Variants in MORN1 observed in about 807,000 individuals in gnomAD.
The protein encoded by MORN1 is MORN repeat containing 1.
In MORN1, 67 loss-of-function variants were observed where a neutral mutation model predicts 61.9. The ratio of observed to expected loss-of-function variants is 1.08; its 90% CI spans 0.89 to 1.33. MORN1 has a LOEUF of 1.33. MORN1 is among the 40% of genes most tolerant of loss of function. The pLI is 0.00. For missense variants in MORN1, 752 were observed against 691.2 expected, an observed-to-expected ratio of 1.09 and a Z score of -0.99; for synonymous variants, 301 against 292.0, an observed-to-expected ratio of 1.03 and a Z score of -0.31.
chr1:2,354,776 G>GT (rs1247836656), intron 10 of MORN1, among the ~76,000 whole-genome samples: 2 of 152,320 alleles, frequency 1.3e-5, no homozygotes, highest in East Asian at 3.9e-4. Flanking sequence ...GCACAGAGAG[G>GT]TTTAGCTTCA....
intron 10 of MORN1, among the ~76,000 whole-genome samples, chr1:2,350,078 C>G (rs1641612554): frequency 6.6e-6 from 1 of 152,166 alleles, no homozygotes; most frequent in Admixed American, 6.5e-5. Context: ...AGGCAGGCAC[C>G]CCACTGACAA....
At chr1:2,327,817 T>G (rs1446547099) in intron 12 of MORN1, among the ~76,000 whole-genome samples, 1 of 152,244 alleles carries the variant, frequency 6.6e-6, no homozygotes, top group Admixed American at 6.5e-5. Flanking sequence ...AATGGCCCAT[T>G]GGCCGAATTG....
chr1:2,380,309 A>C (rs901933917), intron 6 of MORN1, among the ~76,000 whole-genome samples: 2 of 152,128 alleles, frequency 1.3e-5, no homozygotes, highest in Non-Finnish European at 2.9e-5. Flanking sequence ...GGCTACACGA[A>C]ATGTGCCCGT....
intron 12 of MORN1, among the ~76,000 whole-genome samples, chr1:2,335,829 A>AGCCCAGCCCGGCCCAGCCCAGCCCG (rs1553208731): frequency 7.2e-6 from 1 of 139,352 alleles, no homozygotes; most frequent in African/African-American, 3.4e-5. Context: ...TCGCCTCCAT[A>AGCCCAGCCCGGCCCAGCCCAGCCCG]GCCCAGCCCA....
chr1:2,369,181 C>T (rs1642061157), intron 8 of MORN1, among the ~76,000 whole-genome samples: 1 of 147,306 alleles, frequency 6.8e-6, no homozygotes, highest in Non-Finnish European at 1.5e-5. Flanking sequence ...GAAACCCTGT[C>T]TGTACTAAAA....
At position 2,390,249 on chromosome 1, in the gene MORN1, G is replaced by T. The variant is rs1315706496; in HGVS notation, c.77-253C>A. ...AGAGAAGACAGGCCCAGTAAGAGGA[G>T]GGCTGGCTTGAAACAACTGCAGGTC... On this transcript the variant is annotated intron_variant, in intron 1 of 13. Transcript: ENST00000378531. 2.0e-5 allele frequency among the ~76,000 whole-genome samples: 3 copies of T among 152,226 alleles called. No individual in the cohort carries two copies. The South Asian group carries it at 6.2e-4, about 31-fold the overall frequency.
intron 6 of MORN1, among the ~76,000 whole-genome samples, chr1:2,382,995 C>T (rs1483098011): frequency 6.6e-6 from 1 of 152,166 alleles, no homozygotes; most frequent in African/African-American, 2.4e-5. Context: ...AGGGGCCCCA[C>T]ATCTGACCAC....
At position 2,337,211 on chromosome 1, in the gene MORN1, C is replaced by T. The variant is rs28394874; in HGVS notation, c.1037-361G>A. Among the ~76,000 whole-genome samples the T allele has an allele frequency of 1.3e-5, 2 of 151,996 alleles. No individual in the cohort carries two copies. The highest frequency in any genetic ancestry group is 4.8e-5 in the African/African-American group (2 of 41,370). ...GTAGGGCCGGGACCGGGGCCCTGGCCGGAGAGGCTGGCGCTCAACAGTACA... is the reference window on the plus strand; with the variant it reads ...GTAGGGCCGGGACCGGGGCCCTGGCTGGAGAGGCTGGCGCTCAACAGTACA... On this transcript the variant is annotated intron_variant, in intron 10 of 13. Coordinates refer to ENST00000378531, the MANE Select transcript of MORN1 (RefSeq NM_024848.3). The surrounding 1 kb of genome is among the most constrained non-coding windows in gnomAD (Gnocchi z 5.7).
chr1:2,323,160 T>A (rs1281561580), intron 13 of MORN1: 1 of 985,366 alleles, frequency 1.0e-6, no homozygotes, highest in Non-Finnish European at 1.2e-6. Flanking sequence ...GACCGGTTGA[T>A]GGTGTGAGGG....
chr1:2,341,164 C>T (rs1641386595), intron 10 of MORN1, among the ~76,000 whole-genome samples: 1 of 152,248 alleles, frequency 6.6e-6, no homozygotes, highest in African/African-American at 2.4e-5. Flanking sequence ...CTGTTGCCTG[C>T]TGCCCAGCTT....
Position 2,337,043 on chromosome 1 carries a change from G to A in MORN1, c.1037-193C>T, listed in dbSNP as rs1200920665. 1.3e-5 allele frequency among the ~76,000 whole-genome samples: 2 copies of A among 152,130 alleles called. No individual in the cohort carries two copies. Among genetic ancestry groups the A allele is most frequent in the African/African-American group, 4.8e-5 (2 of 41,416 alleles). On this transcript the variant is annotated intron_variant, in intron 10 of 13. Coordinates refer to ENST00000378531, the MANE Select transcript of MORN1 (RefSeq NM_024848.3). This position sits in a 1 kb window ranked among gnomAD's most constrained non-coding sequence, Gnocchi z 5.7. ...GGGTGCTCCCTCCGGCCGCCGACAG[G>A]GGAGGTGGGGGTCCTCCGTGTCCAC...
chr1:2,354,354 C>T (rs1228980803), intron 10 of MORN1, among the ~76,000 whole-genome samples: 1 of 151,986 alleles, frequency 6.6e-6, no homozygotes, highest in Admixed American at 6.6e-5. Flanking sequence ...TGCTTGAACT[C>T]AGGAGTTTGA....
chr1:2,369,084 G>T (rs112631524), intron 8 of MORN1, among the ~76,000 whole-genome samples: 3 of 151,676 alleles, frequency 2.0e-5, no homozygotes, highest in Admixed American at 6.6e-5. Context: ...GGGGGCAGTG[G>T]CTGATGCCTG....
chr1:2,345,829 C>CCACACA (rs57669691), intron 10 of MORN1, among the ~76,000 whole-genome samples: 14,751 of 148,986 alleles, frequency 0.099, 740 homozygotes, highest in African/African-American at 0.11. Context: ...ATGTATGCGG[C>CCACACA]CACACACACA....
intron 8 of MORN1, among the ~76,000 whole-genome samples, chr1:2,365,117 T>A (rs1281231118): frequency 6.6e-6 from 1 of 151,366 alleles, no homozygotes; most frequent in African/African-American, 2.4e-5. Context: ...GGTAGCTTGA[T>A]GGGGATGGCA....
Position 2,385,555 on chromosome 1 carries a change from G to C in MORN1, c.449+252C>G, listed in dbSNP as rs1012226900. 10 of 346,788 alleles carry C rather than the reference G, an allele frequency of 2.9e-5. 1 individual carries two copies. The East Asian group carries it at 3.2e-4, about 11-fold the overall frequency. The allele number at this position is 346,788 out of a possible 1,614,324, so 21.5% of individuals were successfully genotyped here. A position where few individuals can be genotyped will look rare whatever the true frequency, so the allele number is the denominator to read the frequency against. On this transcript the variant is annotated intron_variant, in intron 5 of 13. Coordinates refer to ENST00000378531, the MANE Select transcript of MORN1 (RefSeq NM_024848.3). Reference sequence around the variant, plus strand: ...TCTCAGGAGGTATTTTAATCGGGGGGGGGGGGGATGTTTTATCTAAACACA... The same window carrying C: ...TCTCAGGAGGTATTTTAATCGGGGGCGGGGGGGATGTTTTATCTAAACACA...
chr1:2,343,356 TGGGCCCTGTGACAGAGCCGCC>T (rs1283950994), intron 10 of MORN1, among the ~76,000 whole-genome samples: 3 of 152,138 alleles, frequency 2.0e-5, no homozygotes, highest in African/African-American at 7.2e-5. Flanking sequence ...CCAGAGCCGC[TGGGCCCTGTGACAGAGCCGCC>T]GGGCCCTGGG....
In MORN1 at chr1:2,384,985, G is replaced by A. The variant is rs1199767038; in HGVS notation, c.530C>T (p.Thr177Ile). Residue 177 changes from threonine (T) to isoleucine (I), a missense_variant, in exon 6 of 14, where the codon ACC (threonine) becomes ATC (isoleucine). Transcript: ENST00000378531. ...CCGCGCGCCCCCGGGTACCTTGTAG[G>A]TGGAGCCGTCGGCGCAGCGCAGCAC... is the stretch of plus-strand genomic sequence containing the variant. ...HGVLRCADGS[T>I]YKGQWHSDVF... The A allele has an allele frequency of 1.3e-6, 2 of 1,579,746 alleles. No individual in the cohort carries two copies. The highest frequency in any genetic ancestry group is 1.3e-5 in the African/African-American group (1 of 74,376).
In MORN1 at chr1:2,336,704, C is replaced by T. The variant is rs769994118; in HGVS notation, c.1170+13G>A. ...GATGTGGGGTGGCCTCCCCGCCCCC[C>T]GTGGGCACCCACCTTGTGGAGGCTG... On this transcript the variant is annotated intron_variant, in intron 11 of 13. Transcript: ENST00000378531. 116 of 1,547,392 alleles carry T rather than the reference C, an allele frequency of 7.5e-5. No individual in the cohort carries two copies. The Admixed American group carries it at 9.7e-4, about 13-fold the overall frequency.
Sources: allele counts gnomAD v4.1 joint callset (sites outside exome capture counted in the v4.1 genomes callset), GRCh38; gene constraint gnomAD v4.1.1; non-coding constraint Gnocchi (gnomAD v3.1); transcripts MANE v1.5; gene names NCBI Gene and HGNC (gene_info 2026-07-23, HGNC 2026-07-21).